Variants in RBCK1 observed in about 807,000 individuals in gnomAD.
The protein encoded by RBCK1 is RANBP2-type and C3HC4-type zinc finger containing 1.
Under a neutral mutation model 71.1 loss-of-function variants are expected in RBCK1, and 44 were observed. The ratio of observed to expected loss-of-function variants is 0.62; its 90% CI spans 0.49 to 0.80. The LOEUF is 0.80. RBCK1 is among the 30% of genes least tolerant of loss of function. The pLI is 0.00. For missense variants in RBCK1, 569 were observed against 685.0 expected (o/e 0.83, Z 1.89); for synonymous variants, 306 against 279.7 (o/e 1.09, Z -0.94).
intron 2 of RBCK1, among the ~76,000 whole-genome samples, chr20:416,463 T>C (rs1231874161): frequency 6.6e-6 from 1 of 152,184 alleles, no homozygotes; most frequent in Non-Finnish European, 1.5e-5. Flanking sequence ...GCAGGAACTC[T>C]TCCTCATTTT....
At position 422,267 on chromosome 20, in the gene RBCK1, C is replaced by T; in HGVS notation, c.1029+29C>T. On this transcript the variant is annotated intron_variant, in intron 8 of 11. Transcript: ENST00000356286. The surrounding 1 kb of genome is among the most constrained non-coding windows in gnomAD (Gnocchi z 5.0). ...AGGCCTCAGGGTGGGAGACATACCCCAAGTCCCAACTCCTAAGGAACTGGG... is the reference window on the plus strand; with the variant it reads ...AGGCCTCAGGGTGGGAGACATACCCTAAGTCCCAACTCCTAAGGAACTGGG... 1 of 1,570,774 alleles carries T rather than the reference C, an allele frequency of 6.4e-7. No homozygotes were observed. The highest frequency in any genetic ancestry group is 8.8e-7 in the Non-Finnish European group (1 of 1,141,594).
At chr20:418,295 A>G (rs569130647) in intron 4 of RBCK1, among the ~76,000 whole-genome samples, 2 of 152,260 alleles carry the variant, frequency 1.3e-5, no homozygotes, top group Non-Finnish European at 2.9e-5. Context: ...TCAGACCTAC[A>G]GAAAAGTTGC....
chr20:408,593 C>T lies in RBCK1; in HGVS notation c.-165C>T. 1 of 854,588 alleles carries T rather than the reference C, an allele frequency of 1.2e-6. No individual in the cohort carries two copies. Among genetic ancestry groups the T allele is most frequent in the South Asian group, 1.5e-5 (1 of 68,374 alleles). 52.9% of individuals were successfully genotyped at this position (854,588 alleles called of 1,614,324 possible). ...TGGTCACCGGGCAGTGTGATGCTTCCCGACTGCCGCGGGGACAGCGAGGCA... is the reference window on the plus strand; with the variant it reads ...TGGTCACCGGGCAGTGTGATGCTTCTCGACTGCCGCGGGGACAGCGAGGCA... On this transcript the variant is annotated 5_prime_UTR_variant, in exon 1 of 12. Coordinates refer to ENST00000356286, the MANE Select transcript of RBCK1 (RefSeq NM_031229.4).
chr20:418,056 G>T, intron 4 of RBCK1, 126 bp downstream of exon 4: 1 of 959,566 alleles, frequency 1.0e-6, no homozygotes, highest in South Asian at 1.7e-5. Context: ...CCCTATCCAA[G>T]TGGGGAAGAG....
intron 6 of RBCK1, chr20:420,246 G>A (rs2016302072): frequency 1.0e-6 from 1 of 984,940 alleles, no homozygotes; most frequent in South Asian, 4.7e-5. Flanking sequence ...TGCGCCCTAG[G>A]GGGATGACCC....
chr20:423,400 C>G (rs146014721), intron 8 of RBCK1, among the ~76,000 whole-genome samples: 1 of 152,282 alleles, frequency 6.6e-6, no homozygotes, highest in East Asian at 1.9e-4. Context: ...CTCAAAACAA[C>G]AGTCATTTAT....
rs1475820568 is a variant in RBCK1 at position 431,660 on chromosome 20, C to T, written c.*1230C>T. Among the ~76,000 whole-genome samples, 1 of 152,202 alleles carries T rather than the reference C, an allele frequency of 6.6e-6. No homozygotes were observed. Among genetic ancestry groups the T allele is most frequent in the Non-Finnish European group, 1.5e-5 (1 of 68,026 alleles). Reference sequence around the variant, plus strand: ...CAACTGGAAAGGCACTGCCACCTGCCGTTGGATGCCAGGACTCAAGAGCTG... The same window carrying T: ...CAACTGGAAAGGCACTGCCACCTGCTGTTGGATGCCAGGACTCAAGAGCTG... On this transcript the variant is annotated 3_prime_UTR_variant, in exon 12 of 12. Coordinates refer to ENST00000356286, the MANE Select transcript of RBCK1 (RefSeq NM_031229.4). This position sits in a 1 kb window ranked among gnomAD's most constrained non-coding sequence, Gnocchi z 4.8.
intron 4 of RBCK1, among the ~76,000 whole-genome samples, chr20:418,662 C>G (rs2016174558): frequency 6.6e-6 from 1 of 152,236 alleles, no homozygotes; most frequent in Non-Finnish European, 1.5e-5. Context: ...GCCACCACGC[C>G]CAACCCACAT....
At chr20:427,571 T>C (rs2122326360) in intron 9 of RBCK1, 79 bp downstream of exon 9, 1 of 1,487,306 alleles carries the variant, frequency 6.7e-7, no homozygotes, top group East Asian at 2.3e-5. Flanking sequence ...CGTGTTCTCC[T>C]GGGAAGGGAG....
intron 2 of RBCK1, among the ~76,000 whole-genome samples, chr20:412,325 C>CT (rs147592534): frequency 0.11 from 16,143 of 145,510 alleles, 1,011 homozygotes; most frequent in East Asian, 0.21. Flanking sequence ...TTGGGTTTAT[C>CT]TTTTTTTTTT....
At position 428,912 on chromosome 20, in the gene RBCK1, C is replaced by T; in HGVS notation, c.1309-39C>T. 1 of 1,573,936 alleles carries T rather than the reference C, an allele frequency of 6.4e-7. No individual in the cohort carries two copies. Among genetic ancestry groups the T allele is most frequent in the Non-Finnish European group, 8.6e-7 (1 of 1,165,230 alleles). ...GGGAGGGGCCAGGCTGGGTGACTGC[C>T]CCAGCCCCGCCCCAGGGCCAGCACC... is the stretch of plus-strand genomic sequence containing the variant. On this transcript the variant is annotated intron_variant, in intron 10 of 11. Transcript: ENST00000356286. This position sits in a 1 kb window ranked among gnomAD's most constrained non-coding sequence, Gnocchi z 5.7.
Position 428,568 on chromosome 20 carries a change from G to A in RBCK1, c.1287G>A (p.Arg429=). The A allele has an allele frequency of 6.2e-7, 1 of 1,611,534 alleles. No homozygotes were observed. The highest frequency in any genetic ancestry group is 8.5e-7 in the Non-Finnish European group (1 of 1,179,030). ...GGGCTCAGAACGATGTGGCTGCCCG[G>A]CAGACGACAGAGATGCTGAAGGTGA... is the stretch of plus-strand genomic sequence containing the variant. ...ALRAQNDVAA[R]QTTEMLKVML... The change falls in exon 10 of 12, where the codon CGG becomes CGA. Residue 429 remains arginine, a synonymous_variant. Coordinates refer to ENST00000356286, the MANE Select transcript of RBCK1 (RefSeq NM_031229.4). This position sits in a 1 kb window ranked among gnomAD's most constrained non-coding sequence, Gnocchi z 5.7.
rs777052574 is a variant in RBCK1 at position 417,607 on chromosome 20, T to C, written c.249T>C (p.Ser83=). The C allele has an allele frequency of 3.1e-6, 5 of 1,613,774 alleles. No individual in the cohort carries two copies. The highest frequency in any genetic ancestry group is 4.2e-6 in the Non-Finnish European group (5 of 1,179,784). ...TGCGCCCTGATATGACAGTGGCGTC[T>C]CTCAAGGACATGGTGAGTGAGGAGG... ...LTVRPDMTVA[S]LKDMVFLDYG... The change falls in exon 3 of 12, where the codon TCT becomes TCC. Residue 83 remains serine (S), a synonymous_variant. Transcript: ENST00000356286. The surrounding 1 kb of genome is among the most constrained non-coding windows in gnomAD (Gnocchi z 4.7).
intron 2 of RBCK1, among the ~76,000 whole-genome samples, chr20:414,410 A>G (rs2015880157): frequency 6.6e-6 from 1 of 152,206 alleles, no homozygotes; most frequent in South Asian, 2.1e-4. Context: ...AGAAAGAAAG[A>G]GAGAAAAGCC....
chr20:415,243 A>G (rs1044196321), intron 2 of RBCK1, among the ~76,000 whole-genome samples: 2 of 152,036 alleles, frequency 1.3e-5, no homozygotes, highest in Non-Finnish European at 2.9e-5. Context: ...TGGTGCGCCC[A>G]TCTAGTCCCA....
chr20:414,356 G>A (rs986096845), intron 2 of RBCK1, among the ~76,000 whole-genome samples: 36 of 152,210 alleles, frequency 2.4e-4, no homozygotes, highest in African/African-American at 8.4e-4. Flanking sequence ...AGGTTGCAGT[G>A]AGCCATGATC....
rs1271263414 is a variant in RBCK1, at chr20:417,818, C to G, written c.348C>G (p.Ser116=). The change falls in exon 4 of 12, where the codon TCC becomes TCG. Residue 116 remains serine, a synonymous_variant. Transcript: ENST00000356286. The surrounding 1 kb of genome is among the most constrained non-coding windows in gnomAD (Gnocchi z 4.7). The stretch of plus-strand genomic sequence containing the variant: ...CACGAGACCAGGAGACCCTGCACTC[C>G]CATGGGGTGCGGCAGAATGGGGACA... ...RLARDQETLH[S]HGVRQNGDSA... The G allele has an allele frequency of 3.1e-6, 5 of 1,614,120 alleles. No homozygotes were observed. In the South Asian group the frequency reaches 5.5e-5, roughly 18 times the overall value.
intron 6 of RBCK1, chr20:420,606 C>G (rs2122259270): frequency 1.0e-6 from 1 of 979,922 alleles, no homozygotes; most frequent in Non-Finnish European, 1.2e-6. Flanking sequence ...CCTCCCTTGG[C>G]TTCCCCACCT....
At chr20:424,409 A>G (rs1337224144) in intron 8 of RBCK1, among the ~76,000 whole-genome samples, 2 of 111,694 alleles carry the variant, frequency 1.8e-5, no homozygotes, top group Admixed American at 1.8e-4. Flanking sequence ...CACAAAACAC[A>G]TACACAGACC....
Sources: gnomAD v4.1 joint callset for allele counts (sites outside exome capture counted in the v4.1 genomes callset) on GRCh38, gnomAD v4.1.1 for gene constraint, Gnocchi (gnomAD v3.1) non-coding constraint, MANE v1.5 for transcripts, NCBI Gene and HGNC (gene_info 2026-07-23, HGNC 2026-07-21) for gene names.